The following EPM2A variants were observed in gnomAD, a reference collection of about 807,000 sequenced individuals.
The protein encoded by EPM2A is laforin.
A neutral mutation model predicts 26.5 loss-of-function variants in EPM2A; 21 were observed. The ratio of observed to expected loss-of-function variants is 0.79; its 90% CI spans 0.56 to 1.14. The LOEUF (loss-of-function observed/expected upper bound fraction) is 1.14, where lower values mean the gene tolerates loss of function less well. Among genes scored for constraint, EPM2A ranks in the 50% most tolerant of loss-of-function variants. EPM2A has a pLI of 0.00. For missense variants in EPM2A, 458 were observed against 440.8 expected, an observed-to-expected ratio of 1.04 and a Z score of -0.35; for synonymous variants, 217 against 177.6, an observed-to-expected ratio of 1.22 and a Z score of -1.76.
At chr6:145,692,652 C>A (rs779903890) in intron 1 of EPM2A, among the ~76,000 whole-genome samples, 1 of 151,940 alleles carries the variant, frequency 6.6e-6, no homozygotes, top group African/African-American at 2.4e-5. Flanking sequence ...GCCAGTTATC[C>A]CAGCACTATT....
rs139101958 is a variant in EPM2A, at chr6:145,483,971, A to G, written c.555+18551T>C. Reference sequence around the variant, plus strand: ...AGAAGTTAATACATCTAACAAATATATCTTTCTAATGAGCAGGCTATACCT... The same window carrying G: ...AGAAGTTAATACATCTAACAAATATGTCTTTCTAATGAGCAGGCTATACCT... On this transcript the variant is annotated intron_variant, in intron 4 of 4. Transcript: ENST00000638717. Among the ~76,000 whole-genome samples, 7 of 152,296 alleles carry G rather than the reference A, an allele frequency of 4.6e-5. No homozygotes were observed. The East Asian group carries it at 1.3e-3, about 29-fold the overall frequency.
chr6:145,638,196 G>A (rs1295722540), intron 2 of EPM2A: 4 of 152,010 alleles, frequency 2.6e-5, no homozygotes, highest in East Asian at 1.9e-4. Flanking sequence ...TTAGTATTTC[G>A]CTAGTCGGTA....
At chr6:145,599,775 T>C (rs891436777) in intron 2 of EPM2A, among the ~76,000 whole-genome samples, 1 of 152,024 alleles carries the variant, frequency 6.6e-6, no homozygotes, top group Non-Finnish European at 1.5e-5. Flanking sequence ...GACAATTGAG[T>C]GGGTAAATTT....
chr6:145,675,116 G>A (rs1211940162), intron 2 of EPM2A, among the ~76,000 whole-genome samples: 1 of 152,206 alleles, frequency 6.6e-6, no homozygotes, highest in Non-Finnish European at 1.5e-5. Context: ...CCAGAAGAGA[G>A]TGGGGGCCAA....
chr6:145,614,250 T>C (rs1775458664), intron 2 of EPM2A, among the ~76,000 whole-genome samples: 1 of 152,262 alleles, frequency 6.6e-6, no homozygotes, highest in Non-Finnish European at 1.5e-5. Flanking sequence ...TCAGCCATCA[T>C]AAAATTGAAG....
intron 1 of EPM2A, among the ~76,000 whole-genome samples, chr6:145,715,430 G>C (rs1051391913): frequency 1.4e-4 from 22 of 152,162 alleles, no homozygotes; most frequent in African/African-American, 5.3e-4. Context: ...TCTGCAGACA[G>C]GGGCCCTGGT....
At chr6:145,582,585 A>G (rs983407529) in intron 2 of EPM2A, among the ~76,000 whole-genome samples, 5 of 152,154 alleles carry the variant, frequency 3.3e-5, no homozygotes, top group Non-Finnish European at 7.3e-5. Flanking sequence ...TGCCTTTAAT[A>G]TATTTTCTTT....
chr6:145,714,943 G>A (rs1450589606), intron 1 of EPM2A, among the ~76,000 whole-genome samples: 1 of 152,138 alleles, frequency 6.6e-6, no homozygotes, highest in Non-Finnish European at 1.5e-5. Flanking sequence ...ACCAATTAGT[G>A]GTGAGTCAGT....
chr6:145,531,156 G>A (rs1421378574), intron 2 of EPM2A, among the ~76,000 whole-genome samples: 1 of 152,186 alleles, frequency 6.6e-6, no homozygotes, highest in Non-Finnish European at 1.5e-5. Context: ...AGAAGTCTCA[G>A]GATAGGATTC....
intron 2 of EPM2A, among the ~76,000 whole-genome samples, chr6:145,671,873 T>C (rs1779671543): frequency 6.6e-6 from 1 of 152,228 alleles, no homozygotes; most frequent in Admixed American, 6.5e-5. Context: ...GTAACATTTT[T>C]GAAAGAGTGT....
intron 3 of EPM2A, 138 bp downstream of exon 3, chr6:145,635,107 T>C (rs1776545438): frequency 2.1e-6 from 2 of 946,966 alleles, no homozygotes; most frequent in Admixed American, 2.2e-5. Flanking sequence ...ACATATGTAT[T>C]ATATATATTA....
intron 1 of EPM2A, among the ~76,000 whole-genome samples, chr6:145,688,605 A>T (rs188842569): frequency 1.4e-3 from 210 of 152,300 alleles, no homozygotes; most frequent in Non-Finnish European, 2.1e-3. Context: ...CTGAACTAAA[A>T]AAATAAATAT....
chr6:145,706,561 C>A (rs73566115), intron 1 of EPM2A, among the ~76,000 whole-genome samples: 10,152 of 152,148 alleles, frequency 0.067, 1,142 homozygotes, highest in African/African-American at 0.23. Context: ...TAAATCCAAT[C>A]AACACTGATG....
chr6:145,627,913 T>G (rs1225354495), intron 3 of EPM2A: 1 of 628,394 alleles, frequency 1.6e-6, no homozygotes, highest in Non-Finnish European at 2.7e-6. Context: ...AGGCTCTCTC[T>G]AATCCTTCCC....
chr6:145,594,545 A>T (rs1474587962), intron 2 of EPM2A, among the ~76,000 whole-genome samples: 2 of 151,264 alleles, frequency 1.3e-5, no homozygotes, highest in Non-Finnish European at 2.9e-5. Context: ...ACATTAAAAA[A>T]ATATATACAG....
At chr6:145,396,461 T>C (rs575720093) in intron 4 of EPM2A, among the ~76,000 whole-genome samples, 1 of 152,198 alleles carries the variant, frequency 6.6e-6, no homozygotes. Flanking sequence ...CAGCACTCTT[T>C]AGAGACCGAC....
intron 4 of EPM2A, among the ~76,000 whole-genome samples, chr6:145,388,730 T>G (rs1173648000): frequency 1.3e-5 from 2 of 152,142 alleles, no homozygotes; most frequent in African/African-American, 2.4e-5. Flanking sequence ...GTTCTCATTG[T>G]TCAACTCCCA....
chr6:145,502,672 A>G, intron 2 of EPM2A: 2 of 446,492 alleles, frequency 4.5e-6, no homozygotes, highest in Non-Finnish European at 9.3e-6. Flanking sequence ...AACACCTTGA[A>G]AATAAACAGT....
intron 4 of EPM2A, among the ~76,000 whole-genome samples, chr6:145,436,919 C>T (rs764672558): frequency 1.3e-5 from 2 of 151,934 alleles, no homozygotes; most frequent in Admixed American, 6.6e-5. Flanking sequence ...TAAAACATGT[C>T]TCCCACATTT....
Sources: gnomAD v4.1 joint callset for allele counts (sites outside exome capture counted in the v4.1 genomes callset) on GRCh38, gnomAD v4.1.1 for gene constraint, MANE v1.5 for transcripts, NCBI Gene and HGNC (gene_info 2026-07-23, HGNC 2026-07-21) for gene names.